LPAR3: variants seen among roughly 807,000 people sequenced by gnomAD.
LPAR3 encodes lysophosphatidic acid receptor 3.
LPAR3 carries 7 observed loss-of-function variants against 17.8 expected under a neutral mutation model. The observed-to-expected ratio is 0.39, with a 90% confidence interval of 0.22 to 0.74. The LOEUF (loss-of-function observed/expected upper bound fraction) is 0.74, where lower values mean the gene tolerates loss of function less well. Among genes scored for constraint, LPAR3 ranks in the 30% least tolerant of loss-of-function variants. The pLI, the probability that LPAR3 is intolerant of heterozygous loss-of-function variation, is 0.40. For synonymous variants in LPAR3, 179 were observed against 179.9 expected (o/e 0.99, Z 0.04); for missense variants, 391 against 453.4 (o/e 0.86, Z 1.25).
At chr1:84,822,001 G>C (rs1263013434) in intron 2 of LPAR3, among the ~76,000 whole-genome samples, 2 of 152,170 alleles carry the variant, frequency 1.3e-5, no homozygotes, top group Non-Finnish European at 2.9e-5. Context: ...AGAACTCTGA[G>C]AGCTCCAAAT....
chr1:84,814,039 G>A lies in LPAR3; in HGVS notation c.869C>T (p.Pro290Leu), dbSNP rs1305477493. 6.2e-7 allele frequency: 1 copy of A among 1,614,108 alleles called. No individual in the cohort carries two copies. The highest frequency in any genetic ancestry group is 2.2e-5 in the East Asian group (1 of 44,876). ...CTCGTCCTTGTAGGAGTAGATGATG[G>A]GGTTCACGACGGAGTTGAGCAGCGC... is the stretch of plus-strand genomic sequence containing the variant. The part of the protein sequence containing the change: ...LLALLNSVVN[P>L]IIYSYKDEDM... The change falls in exon 3 of 3, where the codon CCC becomes CTC. Residue 290 changes from proline (P) to leucine (L), a missense_variant. Transcript: ENST00000370611.
intron 1 of LPAR3, among the ~76,000 whole-genome samples, chr1:84,887,438 G>A (rs11580759): frequency 0.12 from 17,695 of 151,726 alleles, 1,042 homozygotes; most frequent in South Asian, 0.21. Context: ...TCAGGCAGAC[G>A]TCATCAATAA....
In LPAR3 at chr1:84,827,379, G is replaced by C. The variant is rs181150674; in HGVS notation, c.737-13208C>G. The stretch of plus-strand genomic sequence containing the variant: ...CTACAGATTATGTATTATGGGGGTA[G>C]GGGTTGTTAAATTCTTTCATTTATT... On this transcript the variant is annotated intron_variant, in intron 2 of 2. Transcript: ENST00000370611. 2.6e-5 allele frequency among the ~76,000 whole-genome samples: 4 copies of C among 152,240 alleles called. No individual in the cohort carries two copies. The East Asian group carries it at 7.7e-4, about 29-fold the overall frequency.
rs1660582834 is a variant in LPAR3, at chr1:84,893,069, C to T, written c.-72G>A. On this transcript the variant is annotated 5_prime_UTR_variant, in exon 1 of 3. Transcript: ENST00000370611. ...CGGGAGCGGGGGCCCCTGCGGCTGCCGCATGCCCTCGGGGTCGAGCGCGAC... is the reference window on the plus strand; with the variant it reads ...CGGGAGCGGGGGCCCCTGCGGCTGCTGCATGCCCTCGGGGTCGAGCGCGAC... 6.6e-6 allele frequency: 1 copy of T among 152,014 alleles called. No homozygotes were observed. The highest frequency in any genetic ancestry group is 1.5e-5 in the Non-Finnish European group (1 of 67,988). The allele number at this position is 152,014 out of a possible 1,614,324, so 9.4% of individuals were successfully genotyped here. A position where few individuals can be genotyped will look rare whatever the true frequency, so the allele number is the denominator to read the frequency against.
intron 1 of LPAR3, among the ~76,000 whole-genome samples, chr1:84,868,522 T>C (rs1660097464): frequency 6.6e-6 from 1 of 152,170 alleles, no homozygotes; most frequent in Non-Finnish European, 1.5e-5. Flanking sequence ...TCAACCATGT[T>C]GAAAGTATAC....
chr1:84,873,951 C>T (rs971233666), intron 1 of LPAR3, among the ~76,000 whole-genome samples: 6 of 152,138 alleles, frequency 3.9e-5, no homozygotes, highest in African/African-American at 1.2e-4. Flanking sequence ...CGGGGTTTCA[C>T]GGTGTTGGCC....
Position 84,813,330 on chromosome 1 carries a change from C to T in LPAR3, c.*516G>A, listed in dbSNP as rs1164850498. The T allele has an allele frequency of 6.6e-6, 1 of 151,976 alleles. No individual in the cohort carries two copies. The highest frequency in any genetic ancestry group is 1.9e-4 in the East Asian group (1 of 5,182). The allele number at this position is 151,976 out of a possible 1,614,324, so 9.4% of individuals were successfully genotyped here. A position where few individuals can be genotyped will look rare whatever the true frequency, so the allele number is the denominator to read the frequency against. ...AATCAGGTTTAATCTGGAGCTCTTACTGATTTTTCTTTGATTCCTACTGAA... is the reference window on the plus strand; with the variant it reads ...AATCAGGTTTAATCTGGAGCTCTTATTGATTTTTCTTTGATTCCTACTGAA... On this transcript the variant is annotated 3_prime_UTR_variant, in exon 3 of 3. Coordinates refer to ENST00000370611, the MANE Select transcript of LPAR3 (RefSeq NM_012152.3).
intron 2 of LPAR3, among the ~76,000 whole-genome samples, chr1:84,818,307 G>C (rs957687383): frequency 6.6e-6 from 1 of 152,174 alleles, no homozygotes; most frequent in African/African-American, 2.4e-5. Context: ...ATGACAAAAA[G>C]CATCAATGTG....
chr1:84,881,728 G>A (rs1211566577), intron 1 of LPAR3, among the ~76,000 whole-genome samples: 1 of 152,172 alleles, frequency 6.6e-6, no homozygotes, highest in East Asian at 1.9e-4. Flanking sequence ...AAACAAAGCA[G>A]GGAGGCAGGA....
rs146043859 is a variant in LPAR3, at chr1:84,866,203, C to G, written c.-18-65G>C. 687 of 1,291,296 alleles carry G rather than the reference C, an allele frequency of 5.3e-4. 4 individuals are homozygous for G. The African/African-American group carries it at 9.3e-3, about 17-fold the overall frequency. 80.0% of individuals were successfully genotyped at this position (1,291,296 alleles called of 1,614,324 possible). A position where few individuals can be genotyped will look rare whatever the true frequency, so the allele number is the denominator to read the frequency against. On this transcript the variant is annotated intron_variant, in intron 1 of 2. Coordinates refer to ENST00000370611, the MANE Select transcript of LPAR3 (RefSeq NM_012152.3). ...AAATCAGTCACTAAGCCATCAATTGCTGTTTCTAAGCCCGTTCTGGCTAAC... is the reference window on the plus strand; with the variant it reads ...AAATCAGTCACTAAGCCATCAATTGGTGTTTCTAAGCCCGTTCTGGCTAAC...
chr1:84,884,428 A>G (rs1344469141), intron 1 of LPAR3, among the ~76,000 whole-genome samples: 1 of 152,210 alleles, frequency 6.6e-6, no homozygotes, highest in Non-Finnish European at 1.5e-5. Flanking sequence ...TTTCTAACAT[A>G]ATGATTGTGG....
intron 2 of LPAR3, among the ~76,000 whole-genome samples, chr1:84,831,831 C>CATAT (rs60387583): frequency 0.28 from 41,479 of 146,528 alleles, 6,356 homozygotes; most frequent in East Asian, 0.53. Flanking sequence ...TAAACTGTAT[C>CATAT]ATATATATAT....
chr1:84,840,382 C>A (rs998038397), intron 2 of LPAR3, among the ~76,000 whole-genome samples: 19 of 152,114 alleles, frequency 1.2e-4, no homozygotes, highest in Admixed American at 5.2e-4. Flanking sequence ...AATATCATCA[C>A]CCCAAAATTT....
chr1:84,826,931 C>A (rs569677241), intron 2 of LPAR3, among the ~76,000 whole-genome samples: 1 of 152,256 alleles, frequency 6.6e-6, no homozygotes, highest in South Asian at 2.1e-4. Context: ...CCTTTGCATG[C>A]ACTAGATTTC....
intron 2 of LPAR3, among the ~76,000 whole-genome samples, chr1:84,851,694 G>T (rs373206124): frequency 6.6e-6 from 1 of 152,168 alleles, no homozygotes; most frequent in Admixed American, 6.5e-5. Flanking sequence ...AGAAAACTTC[G>T]AGGAGCCTCA....
chr1:84,872,912 T>A (rs1435230181), intron 1 of LPAR3, among the ~76,000 whole-genome samples: 2 of 152,182 alleles, frequency 1.3e-5, no homozygotes, highest in East Asian at 3.8e-4. Context: ...TACTTCATGA[T>A]GAAGATCAGA....
At chr1:84,817,093 T>A (rs1336081192) in intron 2 of LPAR3, among the ~76,000 whole-genome samples, 4 of 152,200 alleles carry the variant, frequency 2.6e-5, no homozygotes, top group African/African-American at 9.6e-5. Flanking sequence ...ATTTTTTTTT[T>A]AAAGTAATCT....
intron 2 of LPAR3, among the ~76,000 whole-genome samples, chr1:84,837,613 G>A (rs1659431358): frequency 6.6e-6 from 1 of 152,138 alleles, no homozygotes; most frequent in African/African-American, 2.4e-5. Context: ...TATTATATAT[G>A]TTATTACACC....
intron 2 of LPAR3, among the ~76,000 whole-genome samples, chr1:84,843,808 A>G (rs1659550949): frequency 6.6e-6 from 1 of 152,250 alleles, no homozygotes; most frequent in South Asian, 2.1e-4. Flanking sequence ...GAACCCATCA[A>G]GCTGGCTCCT....
Sources: allele counts gnomAD v4.1 joint callset (sites outside exome capture counted in the v4.1 genomes callset), GRCh38; gene constraint gnomAD v4.1.1; transcripts MANE v1.5; gene names NCBI Gene and HGNC (gene_info 2026-07-23, HGNC 2026-07-21).